The following TAF3 variants were observed in gnomAD, a reference collection of about 807,000 sequenced individuals.
TAF3 encodes the protein TATA-box binding protein associated factor 3, also known as transcription initiation factor TFIID subunit 3.
Under a neutral mutation model 80.6 loss-of-function variants are expected in TAF3, and 7 were observed. The ratio of observed to expected loss-of-function variants is 0.09; its 90% CI spans 0.05 to 0.16. TAF3 has a LOEUF of 0.16. Among genes scored for constraint, TAF3 ranks in the 10% least tolerant of loss-of-function variants. The probability of loss-of-function intolerance (pLI) is 1.00; values close to 1 mark genes in which losing one functional copy is unlikely to be tolerated. For synonymous variants in TAF3, 444 were observed against 446.1 expected (o/e 1.00, Z 0.06); for missense variants, 921 against 1,140.2 (o/e 0.81, Z 2.77).
intron 2 of TAF3, among the ~76,000 whole-genome samples, chr10:7,848,378 A>G (rs1465420043): frequency 6.6e-6 from 1 of 152,190 alleles, no homozygotes; most frequent in Admixed American, 6.5e-5. Context: ...ATGCCATGGT[A>G]AAGGAGAAAA....
chr10:7,867,695 T>G (rs1361015525), intron 2 of TAF3, among the ~76,000 whole-genome samples: 2 of 152,208 alleles, frequency 1.3e-5, no homozygotes, highest in African/African-American at 4.8e-5. Context: ...CAGCTTTGAA[T>G]AGGAAGCAAG....
chr10:7,886,846 T>C (rs1837412924), intron 2 of TAF3, among the ~76,000 whole-genome samples: 1 of 152,240 alleles, frequency 6.6e-6, no homozygotes, highest in African/African-American at 2.4e-5. Flanking sequence ...AGAAAAAATA[T>C]AGACTAATCT....
rs186343192 is a variant in TAF3, at chr10:7,916,928, T to G, written c.410-46992T>G. Among the ~76,000 whole-genome samples the G allele has an allele frequency of 1.9e-4, 29 of 152,344 alleles. 1 individual carries two copies. Among genetic ancestry groups the G allele is most frequent in the African/African-American group, 5.3e-4 (22 of 41,590 alleles). ...TGTAATTGGGTTCGTACTCAATTATTTTCTTCAGAAATATAGACTGTCTGT... is the reference window on the plus strand; with the variant it reads ...TGTAATTGGGTTCGTACTCAATTATGTTCTTCAGAAATATAGACTGTCTGT... On this transcript the variant is annotated intron_variant, in intron 2 of 6. Coordinates refer to ENST00000344293, the MANE Select transcript of TAF3 (RefSeq NM_031923.4).
At position 7,964,980 on chromosome 10, in the gene TAF3, T is replaced by A; in HGVS notation, c.1470T>A (p.Pro490=). 6.2e-7 allele frequency: 1 copy of A among 1,614,076 alleles called. No homozygotes were observed. Among genetic ancestry groups the A allele is most frequent in the Non-Finnish European group, 8.5e-7 (1 of 1,180,022 alleles). Reference sequence around the variant, plus strand: ...CTTCAAATATGCCCCCCAACTTTCCTTATATCTCTTCTCCGTCAGTGTCTC... The same window carrying A: ...CTTCAAATATGCCCCCCAACTTTCCATATATCTCTTCTCCGTCAGTGTCTC... ...GTPSNMPPNF[P]YISSPSVSPP... is the part of the protein sequence containing the mutation. Residue 490 remains proline (P), a synonymous_variant, in exon 3 of 7, where the codon CCT becomes CCA. Coordinates refer to ENST00000344293, the MANE Select transcript of TAF3 (RefSeq NM_031923.4). This position sits in a 1 kb window ranked among gnomAD's most constrained non-coding sequence, Gnocchi z 4.1.
chr10:7,883,135 C>G (rs1312690505), intron 2 of TAF3, among the ~76,000 whole-genome samples: 1 of 152,214 alleles, frequency 6.6e-6, no homozygotes, highest in Admixed American at 6.5e-5. Flanking sequence ...CAGTGATACC[C>G]TCCGTAGCAA....
intron 2 of TAF3, among the ~76,000 whole-genome samples, chr10:7,943,076 T>G (rs75083134): frequency 0.016 from 2,464 of 152,328 alleles, 31 homozygotes; most frequent in South Asian, 0.05. Context: ...AGTCTGTCCT[T>G]ACTTAGCAGC....
At chr10:7,901,740 C>T (rs939615165) in intron 2 of TAF3, among the ~76,000 whole-genome samples, 4 of 152,160 alleles carry the variant, frequency 2.6e-5, no homozygotes, top group Admixed American at 6.5e-5. Flanking sequence ...TATATTAAGA[C>T]GCTTCAGAAA....
rs368221839 is a variant in TAF3 at position 7,936,752 on chromosome 10, AAACGTATAAAGAC to A, written c.410-27166_410-27154del. Among the ~76,000 whole-genome samples the A allele has an allele frequency of 2.7e-3, 414 of 152,306 alleles. 5 individuals are homozygous for A. The highest frequency in any genetic ancestry group is 9.3e-3 in the African/African-American group (386 of 41,568). On this transcript the variant is annotated intron_variant, in intron 2 of 6. Transcript: ENST00000344293. Reference sequence around the variant, plus strand: ...TGTTGTACATTCCATGGGTTTGGACAAACGTATAAAGACATGTATCTACCATTGCAGTATCATA... The same window carrying A: ...TGTTGTACATTCCATGGGTTTGGACAATGTATCTACCATTGCAGTATCATA...
At chr10:7,974,342 G>A (rs989984656) in intron 3 of TAF3, among the ~76,000 whole-genome samples, 2 of 152,064 alleles carry the variant, frequency 1.3e-5, no homozygotes, top group Admixed American at 6.5e-5. Flanking sequence ...GCGGTTTGTG[G>A]GCAAGTTGAT....
chr10:7,885,253 C>A (rs537424271), intron 2 of TAF3, among the ~76,000 whole-genome samples: 1 of 151,276 alleles, frequency 6.6e-6, no homozygotes, highest in African/African-American at 2.4e-5. Context: ...AATTTTGACA[C>A]ACACACACAC....
At chr10:7,983,205 C>G (rs529577675) in intron 4 of TAF3, among the ~76,000 whole-genome samples, 1 of 152,234 alleles carries the variant, frequency 6.6e-6, no homozygotes, top group South Asian at 2.1e-4. Context: ...CTTCCCGGGC[C>G]TCCGTTATCA....
intron 2 of TAF3, among the ~76,000 whole-genome samples, chr10:7,848,106 T>G (rs1438082390): frequency 6.6e-6 from 1 of 152,260 alleles, no homozygotes; most frequent in African/African-American, 2.4e-5. Flanking sequence ...TATCTTTTTA[T>G]TCATAGTTCT....
chr10:7,844,891 A>G (rs560985471), intron 2 of TAF3, among the ~76,000 whole-genome samples: 17 of 152,230 alleles, frequency 1.1e-4, no homozygotes, highest in African/African-American at 3.9e-4. Flanking sequence ...TACTTAGCCA[A>G]TCGCTTATTG....
chr10:7,888,390 TA>T (rs769982394), intron 2 of TAF3, among the ~76,000 whole-genome samples: 150 of 151,792 alleles, frequency 9.9e-4, no homozygotes, highest in Non-Finnish European at 1.5e-3. Context: ...TCTAAATTTA[TA>T]AAAAAAAAGT....
intron 2 of TAF3, among the ~76,000 whole-genome samples, chr10:7,911,070 T>C (rs773391201): frequency 3.3e-5 from 5 of 152,222 alleles, no homozygotes; most frequent in East Asian, 3.9e-4. Flanking sequence ...ATTTTGACTT[T>C]AATTATATGA....
intron 3 of TAF3, among the ~76,000 whole-genome samples, chr10:7,969,613 T>G (rs1443036547): frequency 6.6e-6 from 1 of 152,206 alleles, no homozygotes; most frequent in Non-Finnish European, 1.5e-5. Context: ...TTTTTAAATT[T>G]ATGTTAGTGG....
At chr10:7,933,862 G>T (rs1170281078) in intron 2 of TAF3, among the ~76,000 whole-genome samples, 1 of 152,184 alleles carries the variant, frequency 6.6e-6, no homozygotes, top group Non-Finnish European at 1.5e-5. Flanking sequence ...ATGTTTTATG[G>T]ATTCAAAGAT....
At chr10:7,961,109 T>C (rs1184355485) in intron 2 of TAF3, among the ~76,000 whole-genome samples, 2 of 152,182 alleles carry the variant, frequency 1.3e-5, no homozygotes, top group African/African-American at 2.4e-5. Context: ...AGAAGGTCCT[T>C]GCAGCCATAC....
intron 2 of TAF3, among the ~76,000 whole-genome samples, chr10:7,909,827 T>C (rs1222288013): frequency 6.6e-6 from 1 of 152,194 alleles, no homozygotes; most frequent in African/African-American, 2.4e-5. Flanking sequence ...ACCTTTATTC[T>C]TCCTACTCGC....
Sources: allele counts gnomAD v4.1 joint callset (sites outside exome capture counted in the v4.1 genomes callset), GRCh38; gene constraint gnomAD v4.1.1; non-coding constraint Gnocchi (gnomAD v3.1); transcripts MANE v1.5; gene names NCBI Gene and HGNC (gene_info 2026-07-23, HGNC 2026-07-21).